Variants in FBXL7 observed in about 807,000 individuals in gnomAD.
FBXL7 encodes the protein F-box and leucine rich repeat protein 7.
Under a neutral mutation model 38.3 loss-of-function variants are expected in FBXL7, and 12 were observed. The observed-to-expected ratio is 0.31, with a 90% CI of 0.20 to 0.51. The LOEUF is 0.51. Among genes scored for constraint, FBXL7 ranks in the 20% least tolerant of loss-of-function variants. FBXL7 has a pLI of 0.98. For missense variants in FBXL7, 567 were observed against 676.4 expected, an observed-to-expected ratio of 0.84 and a Z score of 1.79; for synonymous variants, 297 against 300.9, an observed-to-expected ratio of 0.99 and a Z score of 0.13.
intron 1 of FBXL7, among the ~76,000 whole-genome samples, chr5:15,611,649 A>G (rs938081608): frequency 2.0e-5 from 3 of 152,154 alleles, no homozygotes; most frequent in African/African-American, 7.2e-5. Context: ...TTTAGTGTTT[A>G]TGGTTACTTT....
chr5:15,609,924 C>A (rs1414684202), intron 1 of FBXL7, among the ~76,000 whole-genome samples: 1 of 152,032 alleles, frequency 6.6e-6, no homozygotes, highest in African/African-American at 2.4e-5. Flanking sequence ...CGGTAATTTA[C>A]AAAGAAAAAG....
intron 2 of FBXL7, among the ~76,000 whole-genome samples, chr5:15,769,946 A>T (rs1736685062): frequency 6.6e-6 from 1 of 152,234 alleles, no homozygotes; most frequent in African/African-American, 2.4e-5. Context: ...GTTATCTCAA[A>T]GTAGAGATAA....
At chr5:15,599,393 A>ATG (rs779943796) in intron 1 of FBXL7, among the ~76,000 whole-genome samples, 2 of 152,050 alleles carry the variant, frequency 1.3e-5, no homozygotes, top group Non-Finnish European at 2.9e-5. Flanking sequence ...ATATATATTT[A>ATG]TGTGTGTGTG....
chr5:15,744,551 G>A (rs1319606855), intron 2 of FBXL7, among the ~76,000 whole-genome samples: 1 of 152,148 alleles, frequency 6.6e-6, no homozygotes, highest in East Asian at 1.9e-4. Flanking sequence ...CAAGTCTCTA[G>A]GAAGTTCCAA....
At chr5:15,885,863 C>A (rs1157401767) in intron 2 of FBXL7, among the ~76,000 whole-genome samples, 5 of 152,018 alleles carry the variant, frequency 3.3e-5, no homozygotes, top group Non-Finnish European at 7.4e-5. Flanking sequence ...TGTGTACCAC[C>A]TAACCAGGGA....
intron 2 of FBXL7, among the ~76,000 whole-genome samples, chr5:15,710,791 T>C (rs1303590612): frequency 2.0e-5 from 3 of 152,190 alleles, no homozygotes; most frequent in Non-Finnish European, 2.9e-5. Flanking sequence ...AAGAAATTTA[T>C]CAGACAGCTC....
chr5:15,791,540 G>A (rs1248416821), intron 2 of FBXL7, among the ~76,000 whole-genome samples: 1 of 152,184 alleles, frequency 6.6e-6, no homozygotes, highest in African/African-American at 2.4e-5. Context: ...TAATTGGGAA[G>A]AGTTTACCAG....
intron 1 of FBXL7, among the ~76,000 whole-genome samples, chr5:15,598,819 G>C (rs1580394734): frequency 6.6e-6 from 1 of 152,164 alleles, no homozygotes; most frequent in Non-Finnish European, 1.5e-5. Flanking sequence ...GGATGGGTCT[G>C]TGTTGATGGG....
chr5:15,880,697 A>G (rs1403004123), intron 2 of FBXL7, among the ~76,000 whole-genome samples: 1 of 133,076 alleles, frequency 7.5e-6, no homozygotes, highest in Non-Finnish European at 1.6e-5. Context: ...CACTCTACTT[A>G]GTATATATAA....
At chr5:15,574,095 T>C (rs776555306) in intron 1 of FBXL7, among the ~76,000 whole-genome samples, 2 of 152,214 alleles carry the variant, frequency 1.3e-5, no homozygotes, top group Non-Finnish European at 1.5e-5. Context: ...TCTATACCTG[T>C]CATTATTATT....
intron 1 of FBXL7, among the ~76,000 whole-genome samples, chr5:15,573,154 C>T (rs948939010): frequency 2.6e-5 from 4 of 152,154 alleles, no homozygotes; most frequent in African/African-American, 7.2e-5. Context: ...CCATAATAGA[C>T]TAAAATCTTC....
chr5:15,797,557 A>G (rs980811029), intron 2 of FBXL7, among the ~76,000 whole-genome samples: 2 of 152,192 alleles, frequency 1.3e-5, no homozygotes, highest in African/African-American at 2.4e-5. Context: ...CAATTCCCCA[A>G]TTGGGCCCCC....
At chr5:15,511,968 A>G (rs1736807800) in intron 1 of FBXL7, among the ~76,000 whole-genome samples, 2 of 152,232 alleles carry the variant, frequency 1.3e-5, no homozygotes, top group African/African-American at 4.8e-5. Flanking sequence ...TATTCATTAC[A>G]GTACACTTCC....
At chr5:15,861,014 T>G (rs1739451011) in intron 2 of FBXL7, among the ~76,000 whole-genome samples, 2 of 152,200 alleles carry the variant, frequency 1.3e-5, no homozygotes. Flanking sequence ...TGCTTCAAGA[T>G]AATATTTGCT....
chr5:15,677,529 G>A (rs1035898457), intron 2 of FBXL7, among the ~76,000 whole-genome samples: 1 of 151,612 alleles, frequency 6.6e-6, no homozygotes, highest in Non-Finnish European at 1.5e-5. Context: ...GAGAAAAGGA[G>A]GGAGGGAGGG....
In FBXL7 at chr5:15,874,947, T is replaced by C. The variant is rs190545605; in HGVS notation, c.128-52943T>C. Among the ~76,000 whole-genome samples, 744 of 152,150 alleles carry C rather than the reference T, an allele frequency of 4.9e-3. 6 individuals are homozygous for C. Among genetic ancestry groups the C allele is most frequent in the African/African-American group, 0.016 (679 of 41,516 alleles). ...TCATATGGAATGAAAAAAGAGCCCA[T>C]ATAGCCAAGAAAATCCTAAGCAAAA... is the stretch of plus-strand genomic sequence containing the variant. On this transcript the variant is annotated intron_variant, in intron 2 of 3. Transcript: ENST00000504595.
chr5:15,859,438 A>G (rs1335341828), intron 2 of FBXL7, among the ~76,000 whole-genome samples: 2 of 152,184 alleles, frequency 1.3e-5, no homozygotes, highest in Non-Finnish European at 2.9e-5. Flanking sequence ...TCTCACCTGT[A>G]TTAGTCCATT....
At chr5:15,705,840 A>T (rs1237469126) in intron 2 of FBXL7, among the ~76,000 whole-genome samples, 3 of 152,110 alleles carry the variant, frequency 2.0e-5, no homozygotes, top group African/African-American at 7.2e-5. Context: ...TTGTTTTTTT[A>T]AACAAATAAA....
chr5:15,589,739 C>T (rs1739413745), intron 1 of FBXL7, among the ~76,000 whole-genome samples: 1 of 152,080 alleles, frequency 6.6e-6, no homozygotes, highest in African/African-American at 2.4e-5. Context: ...TAACATCAGG[C>T]CATGCATTGA....
Sources: allele counts gnomAD v4.1 joint callset (sites outside exome capture counted in the v4.1 genomes callset), GRCh38; gene constraint gnomAD v4.1.1; transcripts MANE v1.5; gene names NCBI Gene and HGNC (gene_info 2026-07-23, HGNC 2026-07-21).